EYS: variants seen among roughly 807,000 people sequenced by gnomAD.
The protein encoded by EYS is protein eyes shut homolog.
Under a neutral mutation model 282.1 loss-of-function variants are expected in EYS, and 250 were observed. The ratio of observed to expected loss-of-function variants is 0.89; its 90% confidence interval spans 0.80 to 0.98. The LOEUF (loss-of-function observed/expected upper bound fraction) is 0.98, where lower values mean the gene tolerates loss of function less well. EYS is among the 50% of genes least tolerant of loss of function. The pLI, the probability that EYS is intolerant of heterozygous loss-of-function variation, is 0.00. For synonymous variants in EYS, 1,355 were observed against 1,282.9 expected, an observed-to-expected ratio of 1.06 and a Z score of -1.20; for missense variants, 4,016 against 3,709.0, an observed-to-expected ratio of 1.08 and a Z score of -2.15.
chr6:65,304,145 G>A, intron 11 of EYS: 1 of 704,696 alleles, frequency 1.4e-6, no homozygotes, highest in South Asian at 1.5e-5. Flanking sequence ...AGCTACAGAG[G>A]CTTCAGTTGA....
chr6:64,903,531 C>T (rs1245598526), intron 16 of EYS, among the ~76,000 whole-genome samples: 1 of 152,146 alleles, frequency 6.6e-6, no homozygotes, highest in Admixed American at 6.6e-5. Context: ...TTATCCTTCT[C>T]ATATCACTTT....
At chr6:65,680,693 T>C (rs1396402083) in intron 1 of EYS, among the ~76,000 whole-genome samples, 1 of 152,146 alleles carries the variant, frequency 6.6e-6, no homozygotes, top group South Asian at 2.1e-4. Context: ...CAATTTCAGC[T>C]TTCTATTATA....
At chr6:64,664,934 A>C (rs565218523) in intron 22 of EYS, among the ~76,000 whole-genome samples, 2 of 152,356 alleles carry the variant, frequency 1.3e-5, no homozygotes, top group African/African-American at 4.8e-5. Context: ...ACATGAAATG[A>C]GGTGATTATG....
intron 26 of EYS, among the ~76,000 whole-genome samples, chr6:64,564,352 A>G (rs541512705): frequency 3.3e-5 from 4 of 120,458 alleles, no homozygotes; most frequent in African/African-American, 1.3e-4. Flanking sequence ...ATCTCGGCTC[A>G]CTGCAACCTC....
At chr6:64,644,200 T>C (rs1229226804) in intron 22 of EYS, among the ~76,000 whole-genome samples, 1 of 152,186 alleles carries the variant, frequency 6.6e-6, no homozygotes. Flanking sequence ...AGTCAAAAGA[T>C]AAATAATTTC....
chr6:65,007,458 A>T (rs747182626), intron 13 of EYS, among the ~76,000 whole-genome samples: 4 of 152,184 alleles, frequency 2.6e-5, no homozygotes, highest in African/African-American at 4.8e-5. Flanking sequence ...TGAGGGAAGT[A>T]TAAATTATAA....
At chr6:65,426,511 G>C (rs1165737778) in intron 5 of EYS, among the ~76,000 whole-genome samples, 1 of 152,102 alleles carries the variant, frequency 6.6e-6, no homozygotes, top group Non-Finnish European at 1.5e-5. Flanking sequence ...ATGTCTGCTA[G>C]ACCTAAGCAG....
At chr6:64,954,466 C>T (rs1055376253) in intron 14 of EYS, among the ~76,000 whole-genome samples, 13 of 151,868 alleles carry the variant, frequency 8.6e-5, no homozygotes, top group African/African-American at 3.1e-4. Context: ...TTCCCTAGTA[C>T]ACAAATAATA....
At chr6:63,972,714 C>T (rs561850447) in intron 35 of EYS, among the ~76,000 whole-genome samples, 143 of 152,142 alleles carry the variant, frequency 9.4e-4, no homozygotes, top group African/African-American at 3.4e-3. Context: ...TGACAGGCCC[C>T]GGTGTGTGCT....
At chr6:64,389,972 G>A (rs1004576215) in intron 28 of EYS, among the ~76,000 whole-genome samples, 5 of 150,480 alleles carry the variant, frequency 3.3e-5, no homozygotes, top group African/African-American at 1.2e-4. Flanking sequence ...AAGTGCAAGG[G>A]GTCAGGGAGT....
intron 12 of EYS, among the ~76,000 whole-genome samples, chr6:65,068,107 T>C (rs1463550683): frequency 6.6e-6 from 1 of 152,156 alleles, no homozygotes; most frequent in African/African-American, 2.4e-5. Context: ...TCTTAGAAAC[T>C]CTTCCTCTTA....
At chr6:65,648,538 A>C (rs1213272386) in intron 1 of EYS, among the ~76,000 whole-genome samples, 1 of 152,066 alleles carries the variant, frequency 6.6e-6, no homozygotes, top group African/African-American at 2.4e-5. Flanking sequence ...GATACAATAG[A>C]CTTTGGGGAC....
At chr6:65,330,986 C>T (rs908163050) in intron 11 of EYS, 1 of 984,208 alleles carries the variant, frequency 1.0e-6, no homozygotes, top group Admixed American at 6.2e-5. Flanking sequence ...CCCGTATATA[C>T]TCGGGTTGTT....
intron 33 of EYS, among the ~76,000 whole-genome samples, chr6:64,001,722 CAG>C (rs1768104349): frequency 6.6e-6 from 1 of 152,056 alleles, no homozygotes; most frequent in Non-Finnish European, 1.5e-5. Context: ...AATAGTAACA[CAG>C]AAAGATATTT....
chr6:64,618,712 C>T lies in EYS; in HGVS notation c.3569-1179G>A, dbSNP rs181228086. 8.6e-4 allele frequency among the ~76,000 whole-genome samples: 131 copies of T among 152,178 alleles called. 1 individual carries two copies. The highest frequency in any genetic ancestry group is 1.9e-3 in the South Asian group (9 of 4,818). On this transcript the variant is annotated intron_variant, in intron 23 of 42. Coordinates refer to ENST00000503581, the MANE Select transcript of EYS (RefSeq NM_001142800.2). Reference sequence around the variant, plus strand: ...ATGTCCACATCAAACTTAGAAATAGCGGCCAAGAGACTAAATTTATCAAAT... The same window carrying T: ...ATGTCCACATCAAACTTAGAAATAGTGGCCAAGAGACTAAATTTATCAAAT...
chr6:65,419,640 A>G (rs1767376696), intron 5 of EYS, among the ~76,000 whole-genome samples: 1 of 152,000 alleles, frequency 6.6e-6, no homozygotes, highest in Non-Finnish European at 1.5e-5. Context: ...AGTAATATTC[A>G]TTTTAATAAT....
At chr6:65,195,467 C>A (rs1035161147) in intron 12 of EYS, among the ~76,000 whole-genome samples, 2 of 151,982 alleles carry the variant, frequency 1.3e-5, no homozygotes, top group Non-Finnish European at 2.9e-5. Context: ...AGTTAACATA[C>A]AATTTCATTG....
At chr6:64,668,589 G>T (rs142545198) in intron 22 of EYS, among the ~76,000 whole-genome samples, 1 of 120,098 alleles carries the variant, frequency 8.3e-6, no homozygotes, top group Admixed American at 1.2e-4. Context: ...TCGCTCTGTC[G>T]CCCAGGCTGG....
chr6:64,722,709 C>A (rs953516687), intron 22 of EYS, among the ~76,000 whole-genome samples: 5 of 152,044 alleles, frequency 3.3e-5, no homozygotes, highest in Non-Finnish European at 7.4e-5. Context: ...TCCTAGAAAA[C>A]AAGGTCTCTT....
Sources: gnomAD v4.1 joint callset for allele counts (sites outside exome capture counted in the v4.1 genomes callset) on GRCh38, gnomAD v4.1.1 for gene constraint, MANE v1.5 for transcripts, NCBI Gene and HGNC (gene_info 2026-07-23, HGNC 2026-07-21) for gene names.